The following STK3 variants were observed in gnomAD, a reference collection of about 807,000 sequenced individuals.
STK3 encodes the protein serine/threonine kinase 3, also known as serine/threonine-protein kinase 3.
STK3 carries 41 observed loss-of-function variants against 58.0 expected under a neutral mutation model. The observed-to-expected ratio is 0.71, with a 90% confidence interval of 0.55 to 0.92. The LOEUF (loss-of-function observed/expected upper bound fraction) is 0.92. Ranked by LOEUF, STK3 falls within the 40% of genes least tolerant of loss-of-function variation. The probability of loss-of-function intolerance (pLI) is 0.00; values close to 1 mark genes in which losing one functional copy is unlikely to be tolerated. For missense variants in STK3, 479 were observed against 602.7 expected (o/e 0.79, Z 2.15); for synonymous variants, 170 against 191.0 (o/e 0.89, Z 0.91).
intron 1 of STK3, among the ~76,000 whole-genome samples, chr8:98,777,600 A>C (rs1253881342): frequency 6.6e-6 from 1 of 152,254 alleles, no homozygotes; most frequent in Non-Finnish European, 1.5e-5. Context: ...ATTGCAGAAA[A>C]AGTGCCGGAA....
the STK3 span, among the ~76,000 whole-genome samples, chr8:98,346,335 A>G: frequency 6.6e-6 from 1 of 151,788 alleles, no homozygotes; most frequent in Admixed American, 6.6e-5. Context: ...GACAACTCCA[A>G]CAGCCTAATA....
chr8:98,628,922 A>C (rs1273214536), intron 6 of STK3, among the ~76,000 whole-genome samples: 1 of 152,114 alleles, frequency 6.6e-6, no homozygotes. Flanking sequence ...GAAAACATTA[A>C]ATCATCTTGT....
intron 1 of STK3, among the ~76,000 whole-genome samples, chr8:98,796,241 C>T (rs997775203): frequency 6.6e-6 from 1 of 152,164 alleles, no homozygotes; most frequent in Non-Finnish European, 1.5e-5. Flanking sequence ...CAACTTCAAA[C>T]TATACTATAA....
At chr8:98,579,529 ATATATTTTGAGATT>A (rs1041077934) in intron 8 of STK3, 121 bp downstream of exon 8, 450 of 1,120,476 alleles carry the variant, frequency 4.0e-4, no homozygotes, top group Non-Finnish European at 3.2e-4. Context: ...GGCAAACCAA[ATATATTTTGAGATT>A]CAATGAAAAA....
chr8:98,825,480 G>T, intron 1 of STK3, 35 bp downstream of exon 1: 1 of 1,439,246 alleles, frequency 6.9e-7, no homozygotes, highest in Non-Finnish European at 9.2e-7. Flanking sequence ...CGCCGGCGCC[G>T]CTTCCCTCCT....
chr8:98,767,493 AAATC>A (rs1303921790), intron 2 of STK3, 122 bp from the exon 3 acceptor site: 1 of 899,930 alleles, frequency 1.1e-6, no homozygotes, highest in African/African-American at 1.7e-5. Context: ...AATGATTAAA[AAATC>A]AAAGTAAACA....
intron 6 of STK3, among the ~76,000 whole-genome samples, chr8:98,614,794 G>A (rs977318841): frequency 3.3e-5 from 5 of 152,166 alleles, no homozygotes; most frequent in Non-Finnish European, 7.3e-5. Context: ...CCCACACCTG[G>A]CTTGGAGGGT....
At chr8:98,598,147 A>G in intron 6 of STK3, 1 of 985,410 alleles carries the variant, frequency 1.0e-6, no homozygotes, top group Non-Finnish European at 1.2e-6. Flanking sequence ...AATATTGTTC[A>G]TCTGCACTTC....
At chr8:98,412,307 A>G (rs937018943) in intron 3 of STK3, among the ~76,000 whole-genome samples, 10 of 152,168 alleles carry the variant, frequency 6.6e-5, no homozygotes, top group African/African-American at 2.4e-4. Context: ...GCTGCGTTAG[A>G]GTTGCAAACA....
chr8:98,605,248 T>C (rs1406248369), intron 6 of STK3, among the ~76,000 whole-genome samples: 1 of 152,114 alleles, frequency 6.6e-6, no homozygotes, highest in Non-Finnish European at 1.5e-5. Flanking sequence ...TTGGCACTGA[T>C]TTTCTGTATT....
chr8:98,408,798 G>C (rs142620460), intron 3 of STK3, among the ~76,000 whole-genome samples: 1 of 152,208 alleles, frequency 6.6e-6, no homozygotes, highest in African/African-American at 2.4e-5. Context: ...AGCATGCATA[G>C]CCAGGGCTTG....
At chr8:98,763,429 A>G (rs1384704758) in intron 3 of STK3, among the ~76,000 whole-genome samples, 1 of 152,224 alleles carries the variant, frequency 6.6e-6, no homozygotes, top group Non-Finnish European at 1.5e-5. Context: ...TAGAGTATAG[A>G]AAACAAGACA....
intron 10 of STK3, among the ~76,000 whole-genome samples, chr8:98,494,494 T>A (rs1046126722): frequency 7.2e-5 from 11 of 151,738 alleles, no homozygotes; most frequent in Admixed American, 3.3e-4. Flanking sequence ...GATTAGGGAA[T>A]TAAAATAGAC....
At chr8:98,606,519 G>C (rs187783505) in intron 6 of STK3, among the ~76,000 whole-genome samples, 1 of 152,144 alleles carries the variant, frequency 6.6e-6, no homozygotes, top group Non-Finnish European at 1.5e-5. Context: ...TCAGGATACA[G>C]GATGGTCAGC....
intron 8 of STK3, among the ~76,000 whole-genome samples, chr8:98,564,107 C>T (rs1055832740): frequency 6.6e-6 from 1 of 152,108 alleles, no homozygotes; most frequent in African/African-American, 2.4e-5. Context: ...GAATAATTTA[C>T]TCTTGATGTG....
intron 3 of STK3, among the ~76,000 whole-genome samples, chr8:98,836,226 G>T (rs1835743331): frequency 1.3e-5 from 2 of 151,916 alleles, no homozygotes; most frequent in Admixed American, 1.3e-4. Flanking sequence ...ACCCACAAGA[G>T]AAATTTATTT....
At position 98,801,215 on chromosome 8, in the gene STK3, G is replaced by T. The variant is rs1184239884; in HGVS notation, c.26+24300C>A. ...CAATTAGCACTCTGTCTAGCTCAGG[G>T]ATTGTAAACGCACCAATCAGCACCC... On this transcript the variant is annotated intron_variant, in intron 1 of 10. Transcript: ENST00000419617. Among the ~76,000 whole-genome samples the T allele has an allele frequency of 3.3e-5, 5 of 152,026 alleles. No individual in the cohort carries two copies. In the East Asian group the frequency reaches 9.6e-4, roughly 29 times the overall value.
At chr8:98,595,884 G>T (rs901496228) in intron 7 of STK3, 148 bp downstream of exon 7, 37 of 821,912 alleles carry the variant, frequency 4.5e-5, no homozygotes, top group Non-Finnish European at 5.3e-5. Flanking sequence ...GACGAGAGGG[G>T]AGGAAAGAAA....
intron 8 of STK3, among the ~76,000 whole-genome samples, chr8:98,573,239 G>A (rs1354048771): frequency 2.6e-5 from 4 of 152,188 alleles, no homozygotes; most frequent in Non-Finnish European, 5.9e-5. Flanking sequence ...TGTTGTATTA[G>A]TCCATTCTCA....
Sources: allele counts gnomAD v4.1 joint callset (sites outside exome capture counted in the v4.1 genomes callset), GRCh38; gene constraint gnomAD v4.1.1; transcripts MANE v1.5; gene names NCBI Gene and HGNC (gene_info 2026-07-23, HGNC 2026-07-21).